Variants in ZFPM2 observed in about 807,000 individuals in gnomAD.
The protein encoded by ZFPM2 is zinc finger protein ZFPM2.
ZFPM2 carries 20 observed loss-of-function variants against 98.6 expected under a neutral mutation model. The ratio of observed to expected loss-of-function variants is 0.20; its 90% CI spans 0.14 to 0.29. The LOEUF is 0.29. Among genes scored for constraint, ZFPM2 ranks in the 10% least tolerant of loss-of-function variants. The probability of loss-of-function intolerance (pLI) is 1.00; values close to 1 mark genes in which losing one functional copy is unlikely to be tolerated. For synonymous variants in ZFPM2, 518 were observed against 502.7 expected (o/e 1.03, Z -0.41); for missense variants, 1,310 against 1,388.6 (o/e 0.94, Z 0.90).
intron 5 of ZFPM2, among the ~76,000 whole-genome samples, chr8:105,693,417 A>G (rs1476896653): frequency 2.0e-5 from 3 of 152,200 alleles, no homozygotes; most frequent in African/African-American, 4.8e-5. Context: ...ACAGAGAAAG[A>G]GGAGCAGATG....
chr8:105,472,413 A>G (rs1456785475), intron 3 of ZFPM2, among the ~76,000 whole-genome samples: 1 of 152,216 alleles, frequency 6.6e-6, no homozygotes, highest in East Asian at 1.9e-4. Context: ...CTGATAAGTA[A>G]CACAACTTAG....
chr8:105,614,449 C>T (rs1280717426), intron 4 of ZFPM2, among the ~76,000 whole-genome samples: 2 of 152,094 alleles, frequency 1.3e-5, no homozygotes, highest in Admixed American at 6.6e-5. Flanking sequence ...TCTTCTGTAA[C>T]AGGATCCTAA....
intron 4 of ZFPM2, among the ~76,000 whole-genome samples, chr8:105,622,014 A>T (rs1816561671): frequency 6.6e-6 from 1 of 152,158 alleles, no homozygotes; most frequent in Non-Finnish European, 1.5e-5. Flanking sequence ...ACACTTTCAA[A>T]ATAGAAACAA....
In ZFPM2 at chr8:105,712,260, A is replaced by G; in HGVS notation, c.533-76458A>G. The stretch of plus-strand genomic sequence containing the variant: ...TTGATTCTACAAATATTTAGTAGTG[A>G]CATGCAGCATAAGCATTGTCACAAG... On this transcript the variant is annotated intron_variant, in intron 5 of 7. Coordinates refer to ENST00000407775, the MANE Select transcript of ZFPM2 (RefSeq NM_012082.4). Among the ~76,000 whole-genome samples the G allele has an allele frequency of 3.3e-5, 5 of 152,238 alleles. No homozygotes were observed. In the Middle Eastern group the frequency reaches 0.014, roughly 414 times the overall value.
At chr8:105,642,612 T>A (rs1816968710) in intron 5 of ZFPM2, among the ~76,000 whole-genome samples, 1 of 152,198 alleles carries the variant, frequency 6.6e-6, no homozygotes, top group African/African-American at 2.4e-5. Context: ...CCTGCCACTT[T>A]GTTTTTCATA....
chr8:105,423,993 A>C (rs920838531), intron 2 of ZFPM2, among the ~76,000 whole-genome samples: 5 of 152,190 alleles, frequency 3.3e-5, no homozygotes, highest in African/African-American at 1.2e-4. Context: ...CTATATAAAA[A>C]AAGATAACTC....
At chr8:105,337,205 G>A (rs1812344363) in intron 1 of ZFPM2, among the ~76,000 whole-genome samples, 2 of 151,708 alleles carry the variant, frequency 1.3e-5, no homozygotes, top group South Asian at 4.1e-4. Context: ...CCAATGCCAA[G>A]AATTTGGCAG....
intron 2 of ZFPM2, among the ~76,000 whole-genome samples, chr8:105,442,055 C>T (rs935862488): frequency 3.3e-5 from 5 of 151,924 alleles, no homozygotes; most frequent in East Asian, 1.9e-4. Flanking sequence ...AACTTGGGGC[C>T]GGGCGCGGTG....
At chr8:105,435,861 A>G (rs1812109061) in intron 2 of ZFPM2, among the ~76,000 whole-genome samples, 1 of 152,200 alleles carries the variant, frequency 6.6e-6, no homozygotes, top group South Asian at 2.1e-4. Flanking sequence ...ATTATTTGTA[A>G]TCACTTATTT....
At position 105,403,892 on chromosome 8, in the gene ZFPM2, T is replaced by A. The variant is rs369329457; in HGVS notation, c.41-15252T>A. Among the ~76,000 whole-genome samples the A allele has an allele frequency of 1.8e-4, 28 of 152,038 alleles. No individual in the cohort carries two copies. In the South Asian group the frequency reaches 5.6e-3, roughly 30 times the overall value. ...CTGTTTTCTCCTTATTGATAGTTCC[T>A]GGTAATATTTATGATCTCCCTGGCA... On this transcript the variant is annotated intron_variant, in intron 1 of 7. Transcript: ENST00000407775.
chr8:105,519,063 A>G (rs990205164), intron 3 of ZFPM2, among the ~76,000 whole-genome samples: 18 of 152,190 alleles, frequency 1.2e-4, no homozygotes, highest in African/African-American at 4.3e-4. Flanking sequence ...AAATATGAAT[A>G]AATCATTTAA....
At chr8:105,511,589 A>T (rs1262142183) in intron 3 of ZFPM2, among the ~76,000 whole-genome samples, 2 of 152,244 alleles carry the variant, frequency 1.3e-5, no homozygotes, top group Non-Finnish European at 2.9e-5. Flanking sequence ...TTCTGAACTC[A>T]TCACATTGCT....
At chr8:105,576,457 C>T (rs1196222647) in intron 4 of ZFPM2, among the ~76,000 whole-genome samples, 1 of 152,156 alleles carries the variant, frequency 6.6e-6, no homozygotes, top group Non-Finnish European at 1.5e-5. Flanking sequence ...TTGCTCCCCA[C>T]TGCTGAGACC....
intron 1 of ZFPM2, among the ~76,000 whole-genome samples, chr8:105,363,510 TTTAA>T (rs1246934604): frequency 3.3e-5 from 5 of 152,180 alleles, no homozygotes; most frequent in African/African-American, 1.2e-4. Flanking sequence ...TACTACATGC[TTTAA>T]TTTAGATTAT....
intron 1 of ZFPM2, among the ~76,000 whole-genome samples, chr8:105,344,438 T>C (rs886231495): frequency 3.3e-5 from 5 of 152,226 alleles, no homozygotes; most frequent in African/African-American, 1.2e-4. Context: ...TTGACATTCC[T>C]TCTGCCACAA....
At chr8:105,374,716 C>T (rs2929062) in intron 1 of ZFPM2, among the ~76,000 whole-genome samples, 71,904 of 151,804 alleles carry the variant, frequency 0.47, 18,141 homozygotes, top group Admixed American at 0.59. Context: ...GAGACTATAA[C>T]AAAACTCTGG....
intron 3 of ZFPM2, among the ~76,000 whole-genome samples, chr8:105,498,521 A>G (rs1016837358): frequency 6.6e-6 from 1 of 152,162 alleles, no homozygotes; most frequent in African/African-American, 2.4e-5. Context: ...CAGTTTAGCA[A>G]TTATTTTGTA....
At chr8:105,398,363 A>G (rs979542080) in intron 1 of ZFPM2, among the ~76,000 whole-genome samples, 1 of 152,242 alleles carries the variant, frequency 6.6e-6, no homozygotes, top group African/African-American at 2.4e-5. Context: ...TTTGAAATCA[A>G]CTTCCATTGC....
chr8:105,393,894 C>CTTTT (rs771677766), intron 1 of ZFPM2, among the ~76,000 whole-genome samples: 1 of 134,748 alleles, frequency 7.4e-6, no homozygotes, highest in Admixed American at 7.5e-5. Context: ...TAAAATATTT[C>CTTTT]TTTTTTTTTT....
Sources: allele counts gnomAD v4.1 joint callset (sites outside exome capture counted in the v4.1 genomes callset), GRCh38; gene constraint gnomAD v4.1.1; transcripts MANE v1.5; gene names NCBI Gene and HGNC (gene_info 2026-07-23, HGNC 2026-07-21).